Variants in CCBE1 observed in about 807,000 individuals in gnomAD.
The protein encoded by CCBE1 is collagen and calcium-binding EGF domain-containing protein 1.
A neutral mutation model predicts 50.0 loss-of-function variants in CCBE1; 37 were observed. That is an observed-to-expected ratio of 0.74 (90% CI 0.57 to 0.97). The LOEUF (loss-of-function observed/expected upper bound fraction) is 0.97, where lower values mean the gene tolerates loss of function less well. Among genes scored for constraint, CCBE1 ranks in the 50% least tolerant of loss-of-function variants. CCBE1 has a pLI of 0.00. For missense variants in CCBE1, 538 were observed against 523.8 expected (o/e 1.03, Z -0.26); for synonymous variants, 234 against 203.7 (o/e 1.15, Z -1.27).
At position 59,557,880 on chromosome 18, in the gene CCBE1, G is replaced by A. The variant is rs955981558; in HGVS notation, c.213-77642C>T. On this transcript the variant is annotated intron_variant, in intron 2 of 10. Coordinates refer to ENST00000439986, the MANE Select transcript of CCBE1 (RefSeq NM_133459.4). ...ACACCAAGAACCTGGACCACTCTTA[G>A]TCAAGACCCTCCGCTGGTAACAATA... Among the ~76,000 whole-genome samples, 47 of 152,162 alleles carry A rather than the reference G, an allele frequency of 3.1e-4. 1 individual carries two copies. The highest frequency in any genetic ancestry group is 1.2e-4 in the Non-Finnish European group (8 of 68,026).
intron 2 of CCBE1, among the ~76,000 whole-genome samples, chr18:59,559,985 G>T (rs2052710595): frequency 6.6e-6 from 1 of 152,288 alleles, no homozygotes; most frequent in African/African-American, 2.4e-5. Flanking sequence ...CTTTCACAGT[G>T]TTGCTGCAGG....
At chr18:59,505,316 C>T (rs766878638) in intron 2 of CCBE1, among the ~76,000 whole-genome samples, 8 of 152,162 alleles carry the variant, frequency 5.3e-5, no homozygotes, top group Non-Finnish European at 7.3e-5. Flanking sequence ...CCAGCAGGAC[C>T]AGGGACGCCA....
chr18:59,612,144 C>T (rs2053576972), intron 2 of CCBE1, among the ~76,000 whole-genome samples: 1 of 152,108 alleles, frequency 6.6e-6, no homozygotes, highest in Non-Finnish European at 1.5e-5. Context: ...GGTTAAGAGC[C>T]ACTGGGGCAA....
At chr18:59,440,464 A>G (rs757071188) in intron 7 of CCBE1, among the ~76,000 whole-genome samples, 3 of 152,164 alleles carry the variant, frequency 2.0e-5, no homozygotes, top group Non-Finnish European at 2.9e-5. Context: ...CTCTTGCCTC[A>G]TTGCTAGTCT....
intron 7 of CCBE1, 75 bp downstream of exon 7, chr18:59,447,907 AG>A (rs1399640056): frequency 6.2e-7 from 1 of 1,605,330 alleles, no homozygotes; most frequent in African/African-American, 1.3e-5. Flanking sequence ...AACATTGTCC[AG>A]GCCCCAGCAA....
chr18:59,585,521 C>G (rs1462841363), intron 2 of CCBE1, among the ~76,000 whole-genome samples: 1 of 152,162 alleles, frequency 6.6e-6, no homozygotes, highest in East Asian at 1.9e-4. Flanking sequence ...AATATTCAAT[C>G]AAATCCATTG....
chr18:59,649,456 C>G (rs935104272), intron 2 of CCBE1, among the ~76,000 whole-genome samples: 1 of 152,210 alleles, frequency 6.6e-6, no homozygotes, highest in Non-Finnish European at 1.5e-5. Context: ...TAAAGCTTTA[C>G]GTGTAATGAT....
intron 2 of CCBE1, among the ~76,000 whole-genome samples, chr18:59,557,166 A>G (rs531210511): frequency 6.6e-6 from 1 of 152,264 alleles, no homozygotes; most frequent in East Asian, 1.9e-4. Flanking sequence ...CCAGCTTCCC[A>G]TGCATGTCAC....
At chr18:59,463,951 T>C (rs1017625206) in intron 5 of CCBE1, 1 of 152,192 alleles carries the variant, frequency 6.6e-6, no homozygotes, top group Admixed American at 6.5e-5. Flanking sequence ...ATTAGAAAGC[T>C]GCTTTCTTGT....
At chr18:59,588,942 C>A (rs766766720) in intron 2 of CCBE1, among the ~76,000 whole-genome samples, 3 of 152,198 alleles carry the variant, frequency 2.0e-5, no homozygotes, top group African/African-American at 4.8e-5. Flanking sequence ...TCCCCAGTAA[C>A]CCCTTGGGTA....
chr18:59,511,447 A>AT (rs1329336681), intron 2 of CCBE1, among the ~76,000 whole-genome samples: 9 of 152,222 alleles, frequency 5.9e-5, no homozygotes, highest in African/African-American at 2.2e-4. Flanking sequence ...GAAGAGATCC[A>AT]TTTACAGTTG....
At chr18:59,488,674 G>T (rs370423245) in intron 2 of CCBE1, among the ~76,000 whole-genome samples, 2 of 152,064 alleles carry the variant, frequency 1.3e-5, no homozygotes, top group Admixed American at 1.3e-4. Context: ...GCTGCTTGCC[G>T]GCTTCAGTCC....
At chr18:59,559,742 C>T (rs1304640988) in intron 2 of CCBE1, among the ~76,000 whole-genome samples, 1 of 152,186 alleles carries the variant, frequency 6.6e-6, no homozygotes, top group Non-Finnish European at 1.5e-5. Flanking sequence ...GCTATGAAGG[C>T]CAGTCAGTGG....
intron 5 of CCBE1, among the ~76,000 whole-genome samples, chr18:59,460,864 G>A (rs376457877): frequency 2.0e-5 from 3 of 152,090 alleles, no homozygotes; most frequent in African/African-American, 7.2e-5. Flanking sequence ...GAACCTGGGA[G>A]GCAGAGGTTG....
intron 3 of CCBE1, among the ~76,000 whole-genome samples, chr18:59,479,406 C>T (rs1052337136): frequency 5.9e-5 from 9 of 152,164 alleles, no homozygotes; most frequent in Admixed American, 3.9e-4. Context: ...ACACTTTCTG[C>T]TTTGAATGTC....
chr18:59,435,624 C>T lies in CCBE1; in HGVS notation c.*284G>A. 1 of 464,970 alleles carries T rather than the reference C, an allele frequency of 2.2e-6. No homozygotes were observed. The allele number at this position is 464,970 out of a possible 1,614,324, so 28.8% of individuals were successfully genotyped here. A position where few individuals can be genotyped will look rare whatever the true frequency, so the allele number is the denominator to read the frequency against. Reference sequence around the variant, plus strand: ...GTGAGAGTACTTAAATCCAAAGTTCCTGGAAAAATAGGATGTAAAAGAAAA... The same window carrying T: ...GTGAGAGTACTTAAATCCAAAGTTCTTGGAAAAATAGGATGTAAAAGAAAA... On this transcript the variant is annotated 3_prime_UTR_variant, in exon 11 of 11. Transcript: ENST00000439986.
intron 2 of CCBE1, among the ~76,000 whole-genome samples, chr18:59,536,281 C>T (rs547616984): frequency 9.2e-5 from 14 of 152,202 alleles, no homozygotes; most frequent in African/African-American, 2.2e-4. Context: ...GCCCAGCATC[C>T]GCATAGAGCC....
intron 2 of CCBE1, among the ~76,000 whole-genome samples, chr18:59,558,051 C>G (rs1409130912): frequency 6.6e-6 from 1 of 152,172 alleles, no homozygotes; most frequent in Non-Finnish European, 1.5e-5. Context: ...CCGAAGACTG[C>G]TTTCTATTTG....
intron 5 of CCBE1, among the ~76,000 whole-genome samples, chr18:59,458,568 T>C (rs1911312960): frequency 2.0e-5 from 3 of 152,276 alleles, no homozygotes; most frequent in African/African-American, 4.8e-5. Flanking sequence ...GTATCTTTAG[T>C]TCAATCTCTT....
Sources: gnomAD v4.1 joint callset for allele counts (sites outside exome capture counted in the v4.1 genomes callset) on GRCh38, gnomAD v4.1.1 for gene constraint, MANE v1.5 for transcripts, NCBI Gene and HGNC (gene_info 2026-07-23, HGNC 2026-07-21) for gene names.